CTXND1: variants seen among roughly 807,000 people sequenced by gnomAD.
CTXND1 encodes the protein cortexin domain containing 1.
chr15:80,244,123 AC>A (rs1893602159), intron 1 of CTXND1, among the ~76,000 whole-genome samples: 1 of 152,230 alleles, frequency 6.6e-6, no homozygotes, highest in African/African-American at 2.4e-5. Context: ...GGGAAGATCA[AC>A]CAAGCCATTG....
intron 1 of CTXND1, among the ~76,000 whole-genome samples, chr15:80,236,250 T>C (rs1405127472): frequency 6.6e-6 from 1 of 152,088 alleles, no homozygotes; most frequent in Non-Finnish European, 1.5e-5. Flanking sequence ...TTCTACTTTT[T>C]TTAATGGTAG....
intron 1 of CTXND1, among the ~76,000 whole-genome samples, chr15:80,224,504 C>T (rs1053738064): frequency 1.3e-5 from 2 of 152,110 alleles, no homozygotes; most frequent in African/African-American, 4.8e-5. Context: ...AGAGTAAGTT[C>T]TTCAGATTTG....
intron 1 of CTXND1, among the ~76,000 whole-genome samples, chr15:80,233,639 C>T (rs866898474): frequency 5.9e-5 from 9 of 152,154 alleles, no homozygotes; most frequent in South Asian, 4.1e-4. Context: ...GGCTACACCA[C>T]GCCAGGCTCG....
At chr15:80,211,525 G>C (rs1463979938) in intron 1 of CTXND1, among the ~76,000 whole-genome samples, 1 of 152,120 alleles carries the variant, frequency 6.6e-6, no homozygotes, top group Non-Finnish European at 1.5e-5. Context: ...TCCTCTACCA[G>C]AACAATTAAC....
rs1229558311 is a variant in CTXND1 at position 80,252,153 on chromosome 15, G to A, written c.-364C>T. The A allele has an allele frequency of 6.6e-6, 1 of 151,622 alleles. No homozygotes were observed. The highest frequency in any genetic ancestry group is 1.5e-5 in the Non-Finnish European group (1 of 67,890). The allele number at this position is 151,622 out of a possible 1,614,324, so 9.4% of individuals were successfully genotyped here. Reference sequence around the variant, plus strand: ...GGGGGCGCTGCCCAGGCCCGGCTCGGCAGGAGTCAGAGCCCCCAGCGGCGC... The same window carrying A: ...GGGGGCGCTGCCCAGGCCCGGCTCGACAGGAGTCAGAGCCCCCAGCGGCGC... On this transcript the variant is annotated 5_prime_UTR_variant, in exon 1 of 3. Transcript: ENST00000560778.
chr15:80,223,587 G>T (rs74027274), intron 1 of CTXND1, among the ~76,000 whole-genome samples: 3 of 152,088 alleles, frequency 2.0e-5, no homozygotes, highest in Non-Finnish European at 4.4e-5. Context: ...TATCTAGAAG[G>T]TTGCTGGACT....
At position 80,252,065 on chromosome 15, in the gene CTXND1, G is replaced by A; in HGVS notation, c.-276C>T. The A allele has an allele frequency of 6.6e-6, 1 of 151,648 alleles. No individual in the cohort carries two copies. Among genetic ancestry groups the A allele is most frequent in the South Asian group, 2.1e-4 (1 of 4,834 alleles). The allele number at this position is 151,648 out of a possible 1,614,324, so 9.4% of individuals were successfully genotyped here. On this transcript the variant is annotated 5_prime_UTR_variant, in exon 1 of 3. Coordinates refer to ENST00000560778, the MANE Select transcript of CTXND1 (RefSeq NM_001352888.2). ...CTGGCTGGGCCGGCGCCGAGCCCAGGGCGACCGCGGATCGCCGGCTACGGC... is the reference window on the plus strand; with the variant it reads ...CTGGCTGGGCCGGCGCCGAGCCCAGAGCGACCGCGGATCGCCGGCTACGGC...
chr15:80,241,720 G>A (rs768740543), intron 1 of CTXND1, among the ~76,000 whole-genome samples: 12 of 152,202 alleles, frequency 7.9e-5, no homozygotes, highest in Non-Finnish European at 1.5e-4. Flanking sequence ...GACCCCAGGT[G>A]CCCACGGAAG....
chr15:80,213,819 A>C (rs1241429664), intron 1 of CTXND1, among the ~76,000 whole-genome samples: 1 of 152,188 alleles, frequency 6.6e-6, no homozygotes, highest in Non-Finnish European at 1.5e-5. Context: ...GGTACTATTC[A>C]GCTGTGACAG....
At chr15:80,246,446 A>G (rs763544813) in intron 1 of CTXND1, among the ~76,000 whole-genome samples, 49 of 152,330 alleles carry the variant, frequency 3.2e-4, no homozygotes, top group Non-Finnish European at 6.2e-4. Context: ...GATCGGAGCC[A>G]CATAAGCCTG....
chr15:80,215,821 G>A (rs1305579551), intron 1 of CTXND1, among the ~76,000 whole-genome samples: 1 of 152,106 alleles, frequency 6.6e-6, no homozygotes, highest in South Asian at 2.1e-4. Flanking sequence ...CAGGGGCTTC[G>A]TTGCTCTTTC....
intron 1 of CTXND1, among the ~76,000 whole-genome samples, chr15:80,217,021 G>A (rs1039817873): frequency 1.3e-5 from 2 of 152,150 alleles, no homozygotes; most frequent in African/African-American, 4.8e-5. Flanking sequence ...AGTCACTGGT[G>A]TGTGCAGCGA....
At chr15:80,207,925 A>C (rs1367691365) in intron 1 of CTXND1, among the ~76,000 whole-genome samples, 1 of 152,228 alleles carries the variant, frequency 6.6e-6, no homozygotes, top group African/African-American at 2.4e-5. Context: ...GTGGCTTGAG[A>C]TAGCTGAAAA....
In CTXND1 at chr15:80,242,233, C is replaced by T. The variant is rs149338797; in HGVS notation, c.-218+9774G>A. 3.6e-3 allele frequency among the ~76,000 whole-genome samples: 541 copies of T among 152,282 alleles called. 3 individuals are homozygous for T. Among genetic ancestry groups the T allele is most frequent in the African/African-American group, 0.012 (495 of 41,568 alleles). ...AGGAAGGAGAGGAGAGGCCCTAAAACGAGTTCCTGCACCCCAGGTGTCCAC... is the reference window on the plus strand; with the variant it reads ...AGGAAGGAGAGGAGAGGCCCTAAAATGAGTTCCTGCACCCCAGGTGTCCAC... On this transcript the variant is annotated intron_variant, in intron 1 of 2. Coordinates refer to ENST00000560778, the MANE Select transcript of CTXND1 (RefSeq NM_001352888.2).
chr15:80,217,269 C>T (rs1004687840), intron 1 of CTXND1, among the ~76,000 whole-genome samples: 2 of 152,118 alleles, frequency 1.3e-5, no homozygotes, highest in African/African-American at 4.8e-5. Flanking sequence ...GAGTTTGCTT[C>T]TTTGTCTACA....
At chr15:80,240,025 G>A (rs1257145779) in intron 1 of CTXND1, among the ~76,000 whole-genome samples, 1 of 152,184 alleles carries the variant, frequency 6.6e-6, no homozygotes, top group Non-Finnish European at 1.5e-5. Flanking sequence ...GAGTGCAATG[G>A]CACGATCTCA....
intron 2 of CTXND1, among the ~76,000 whole-genome samples, chr15:80,202,871 C>T (rs1455994032): frequency 6.6e-6 from 1 of 152,214 alleles, no homozygotes; most frequent in Non-Finnish European, 1.5e-5. Flanking sequence ...GCTCTGCCAC[C>T]ACCCTGCAGG....
At chr15:80,243,544 G>T (rs934809772) in intron 1 of CTXND1, among the ~76,000 whole-genome samples, 2 of 152,146 alleles carry the variant, frequency 1.3e-5, no homozygotes, top group African/African-American at 4.8e-5. Context: ...AGAGGTCAGA[G>T]TTATTTTCTA....
intron 1 of CTXND1, among the ~76,000 whole-genome samples, chr15:80,236,706 T>C (rs4778770): frequency 0.42 from 63,896 of 150,850 alleles, 14,437 homozygotes; most frequent in East Asian, 0.85. Context: ...TTACTTGAAC[T>C]GGGGAGGGAG....
Sources: gnomAD v4.1 joint callset for allele counts (sites outside exome capture counted in the v4.1 genomes callset) on GRCh38, gnomAD v4.1.1 for gene constraint, MANE v1.5 for transcripts, NCBI Gene and HGNC (gene_info 2026-07-23, HGNC 2026-07-21) for gene names.